NFE2L2: variants seen among roughly 807,000 people sequenced by gnomAD.
NFE2L2 encodes nuclear factor erythroid 2-related factor 2.
In NFE2L2, 20 loss-of-function variants were observed where a neutral mutation model predicts 49.6. The ratio of observed to expected loss-of-function variants is 0.40; its 90% CI spans 0.28 to 0.59. The LOEUF is 0.59. Ranked by LOEUF, NFE2L2 falls within the 20% of genes least tolerant of loss-of-function variation. NFE2L2 has a pLI of 0.40. For synonymous variants in NFE2L2, 244 were observed against 256.5 expected, an observed-to-expected ratio of 0.95 and a Z score of 0.47; for missense variants, 578 against 714.2, an observed-to-expected ratio of 0.81 and a Z score of 2.17.
rs748491229 is a variant in NFE2L2 at position 177,231,309 on chromosome 2, C to A, written c.1294G>T (p.Val432Leu). The A allele has an allele frequency of 4.6e-5, 74 of 1,614,146 alleles. 1 individual carries two copies. The South Asian group carries it at 8.1e-4, about 18-fold the overall frequency. Residue 432 changes from valine to leucine, a missense_variant, in exon 5 of 5, where the codon GTA becomes TTA. Val to Leu is a conservative substitution (Grantham distance 32). Coordinates refer to ENST00000397062, the MANE Select transcript of NFE2L2 (RefSeq NM_006164.5). ...GGGGTTTTCCGATGACCAGGACTTA[C>A]AGGCAATTCTTTCTCTGGTGTGTTC... ...CENTPEKELPVSPGHRKTPFT... is the reference protein window; with the variant it reads ...CENTPEKELPLSPGHRKTPFT...
rs987244902 is a variant in NFE2L2, at chr2:177,264,615, G to C, written c.-39C>G. On this transcript the variant is annotated 5_prime_UTR_variant, in exon 1 of 5. Coordinates refer to ENST00000397062, the MANE Select transcript of NFE2L2 (RefSeq NM_006164.5). The stretch of plus-strand genomic sequence containing the variant: ...CCGTGTGTTGGGGCTCCCCGACGGC[G>C]GCCCTGTTCCGGCTGCCGAGGCGCG... The C allele has an allele frequency of 7.1e-7, 1 of 1,416,930 alleles. No homozygotes were observed. Among genetic ancestry groups the C allele is most frequent in the Non-Finnish European group, 9.3e-7 (1 of 1,073,546 alleles). The allele number at this position is 1,416,930 out of a possible 1,614,324, so 87.8% of individuals were successfully genotyped here.
intron 1 of NFE2L2, among the ~76,000 whole-genome samples, chr2:177,245,246 G>A (rs1261194109): frequency 3.3e-5 from 5 of 152,024 alleles, no homozygotes; most frequent in African/African-American, 7.2e-5. Flanking sequence ...GTCACGGAAC[G>A]CTACAACTGG....
intron 1 of NFE2L2, among the ~76,000 whole-genome samples, chr2:177,237,873 T>C (rs1464759131): frequency 6.6e-6 from 1 of 152,188 alleles, no homozygotes; most frequent in Non-Finnish European, 1.5e-5. Context: ...TCAGTAAATC[T>C]AGATACATAG....
chr2:177,242,249 T>C (rs1329691293), intron 1 of NFE2L2, among the ~76,000 whole-genome samples: 1 of 152,216 alleles, frequency 6.6e-6, no homozygotes, highest in Non-Finnish European at 1.5e-5. Context: ...CAAGTGTAAA[T>C]GTTGCCAGGT....
intron 1 of NFE2L2, among the ~76,000 whole-genome samples, chr2:177,247,840 G>A (rs1428484929): frequency 6.6e-6 from 1 of 152,176 alleles, no homozygotes; most frequent in Non-Finnish European, 1.5e-5. Flanking sequence ...TTTTGTAGGG[G>A]CAAGGAATGC....
rs201690466 is a variant in NFE2L2, at chr2:177,231,245, T to C, written c.1358A>G (p.His453Arg). ...TGCCCTAAGTTCATCTCTTGTGAGA[T>C]GAGCCTCCAAGCGGCTTGAATGTTT... The part of the protein sequence containing the change: ...KDKHSSRLEA[H>R]LTRDELRAKA... The change falls in exon 5 of 5, where the codon CAT becomes CGT. Residue 453 changes from histidine to arginine, a missense_variant. Coordinates refer to ENST00000397062, the MANE Select transcript of NFE2L2 (RefSeq NM_006164.5). The C allele has an allele frequency of 6.2e-7, 1 of 1,614,246 alleles. No individual in the cohort carries two copies. The highest frequency in any genetic ancestry group is 8.5e-7 in the Non-Finnish European group (1 of 1,180,040).
intron 1 of NFE2L2, among the ~76,000 whole-genome samples, chr2:177,249,991 A>G (rs1391834353): frequency 6.6e-6 from 1 of 152,218 alleles, no homozygotes; most frequent in Non-Finnish European, 1.5e-5. Context: ...TCGGTTTTGC[A>G]AATTACCTCC....
rs188188565 is a variant in NFE2L2, at chr2:177,240,311, G to T, written c.46-6040C>A. 4.7e-3 allele frequency among the ~76,000 whole-genome samples: 713 copies of T among 152,328 alleles called. 3 individuals are homozygous for T. Among genetic ancestry groups the T allele is most frequent in the Non-Finnish European group, 7.6e-3 (520 of 68,030 alleles). ...CAGTACAAAGTGTTAGATAAGTAGG[G>T]TTTGGGTAGAGAGAGGAAAGCAGGT... On this transcript the variant is annotated intron_variant, in intron 1 of 4. Transcript: ENST00000397062.
chr2:177,264,319 G>C (rs1042686855), intron 1 of NFE2L2: 3 of 502,756 alleles, frequency 6.0e-6, no homozygotes, highest in Admixed American at 4.4e-5. Context: ...TTCGCCCTCG[G>C]GCTCGTGGTC....
At position 177,231,338 on chromosome 2, in the gene NFE2L2, C is replaced by T; in HGVS notation, c.1265G>A (p.Cys422Tyr). The T allele has an allele frequency of 6.2e-7, 1 of 1,614,248 alleles. No individual in the cohort carries two copies. Among genetic ancestry groups the T allele is most frequent in the Non-Finnish European group, 8.5e-7 (1 of 1,180,036 alleles). The change falls in exon 5 of 5, where the codon TGT (cysteine) becomes TAT (tyrosine). Residue 422 changes from cysteine (C) to tyrosine (Y), a missense_variant. This residue lies in a region of NFE2L2 where 368 missense variants were observed against 384.6 expected (regional missense o/e 0.96). Coordinates refer to ENST00000397062, the MANE Select transcript of NFE2L2 (RefSeq NM_006164.5). ...CAATTCTTTCTCTGGTGTGTTCTCA[C>T]ATTGGGCATCATGCACGTGAGTGCT... ...GQSTHVHDAQCENTPEKELPV... is the reference protein window; with the variant it reads ...GQSTHVHDAQYENTPEKELPV...
chr2:177,230,995 T>C lies in NFE2L2; in HGVS notation c.1608A>G (p.Lys536=), dbSNP rs777072272. The part of the protein sequence containing the change: ...EQDLDHLKDE[K]EKLLKEKGEN... ...CTCCTTTTTCTTTGAGCAATTTTTCTTTTTCATCTTTCAAATGATCTAAAT... is the reference window on the plus strand; with the variant it reads ...CTCCTTTTTCTTTGAGCAATTTTTCCTTTTCATCTTTCAAATGATCTAAAT... The change falls in exon 5 of 5, where the codon AAA becomes AAG. Residue 536 remains lysine (K), a synonymous_variant. Coordinates refer to ENST00000397062, the MANE Select transcript of NFE2L2 (RefSeq NM_006164.5). 8.1e-6 allele frequency: 13 copies of C among 1,608,872 alleles called. No individual in the cohort carries two copies. The African/African-American group carries it at 1.2e-4, about 15-fold the overall frequency.
Position 177,231,616 on chromosome 2 carries a change from G to C in NFE2L2, c.987C>G (p.Asn329Lys). The C allele has an allele frequency of 6.2e-7, 1 of 1,614,174 alleles. No homozygotes were observed. Among genetic ancestry groups the C allele is most frequent in the Non-Finnish European group, 8.5e-7 (1 of 1,180,030 alleles). ...CTGCTGTGCTTTCAGGGTGGTTTTGGTTGAAAGCTTTGCAAAGTGATAGAT... is the reference window on the plus strand; with the variant it reads ...CTGCTGTGCTTTCAGGGTGGTTTTGCTTGAAAGCTTTGCAAAGTGATAGAT... ...VSDLSLCKAF[N>K]QNHPESTAEF... is the part of the protein sequence containing the mutation. The change falls in exon 5 of 5, where the codon AAC becomes AAG. Residue 329 changes from asparagine (N) to lysine (K), a missense_variant. Coordinates refer to ENST00000397062, the MANE Select transcript of NFE2L2 (RefSeq NM_006164.5).
At chr2:177,238,993 T>G (rs1574265008) in intron 1 of NFE2L2, among the ~76,000 whole-genome samples, 1 of 152,092 alleles carries the variant, frequency 6.6e-6, no homozygotes, top group African/African-American at 2.4e-5. Flanking sequence ...TTTACAAACA[T>G]ACACACACAC....
intron 1 of NFE2L2, among the ~76,000 whole-genome samples, chr2:177,236,598 A>G (rs78272396): frequency 0.016 from 2,491 of 152,292 alleles, 66 homozygotes; most frequent in African/African-American, 0.057. Context: ...AAAAGATACT[A>G]CCAGAAAGTG....
At chr2:177,261,851 G>A (rs1324845077) in intron 1 of NFE2L2, among the ~76,000 whole-genome samples, 1 of 151,838 alleles carries the variant, frequency 6.6e-6, no homozygotes, top group Non-Finnish European at 1.5e-5. Context: ...CCCTTTAAAT[G>A]TCTTCAGTCA....
chr2:177,253,522 A>C (rs776086053), intron 1 of NFE2L2, among the ~76,000 whole-genome samples: 5 of 152,238 alleles, frequency 3.3e-5, no homozygotes, highest in Non-Finnish European at 7.3e-5. Context: ...ATGCCCTGAA[A>C]GATTCCTAGG....
Position 177,234,026 on chromosome 2 carries a change from A to G in NFE2L2, c.291T>C (p.Ser97=), listed in dbSNP as rs2105458198. Residue 97 remains serine (S), a synonymous_variant, in exon 2 of 5, where the codon AGT becomes AGC. Coordinates refer to ENST00000397062, the MANE Select transcript of NFE2L2 (RefSeq NM_006164.5). Reference sequence around the variant, plus strand: ...GTACCTGGGAGTAGTTGGCAGATCCACTGGTTTCTGACTGGATGTGCTGGG... The same window carrying G: ...GTACCTGGGAGTAGTTGGCAGATCCGCTGGTTTCTGACTGGATGTGCTGGG... ...QPAQHIQSET[S]GSANYSQVAH... 6.2e-7 allele frequency: 1 copy of G among 1,614,202 alleles called. No homozygotes were observed. Among genetic ancestry groups the G allele is most frequent in the East Asian group, 2.2e-5 (1 of 44,886 alleles).
At chr2:177,238,948 G>A (rs940941366) in intron 1 of NFE2L2, among the ~76,000 whole-genome samples, 1 of 152,106 alleles carries the variant, frequency 6.6e-6, no homozygotes, top group African/African-American at 2.4e-5. Context: ...CAGTGGGCAC[G>A]CCCATATACA....
chr2:177,246,745 A>G (rs1386435121), intron 1 of NFE2L2, among the ~76,000 whole-genome samples: 2 of 147,336 alleles, frequency 1.4e-5, no homozygotes, highest in African/African-American at 5.0e-5. Context: ...GATTACAGGC[A>G]TGTGCCACTA....
Sources: gnomAD v4.1 joint callset for allele counts (sites outside exome capture counted in the v4.1 genomes callset) on GRCh38, gnomAD v4.1.1 for gene constraint, gnomAD v4.1.1 regional missense constraint, MANE v1.5 for transcripts, NCBI Gene and HGNC (gene_info 2026-07-23, HGNC 2026-07-21) for gene names.